Variants in CDC42BPB observed in about 807,000 individuals in gnomAD.
CDC42BPB encodes serine/threonine-protein kinase MRCK beta.
In CDC42BPB, 37 loss-of-function variants were observed where a neutral mutation model predicts 214.9. The ratio of observed to expected loss-of-function variants is 0.17; its 90% CI spans 0.13 to 0.23. The LOEUF (loss-of-function observed/expected upper bound fraction) is 0.23, where lower values mean the gene tolerates loss of function less well. Ranked by LOEUF, CDC42BPB falls within the 10% of genes least tolerant of loss-of-function variation. The pLI is 1.00. For synonymous variants in CDC42BPB, 931 were observed against 884.0 expected (o/e 1.05, Z -0.94); for missense variants, 1,694 against 2,227.0 (o/e 0.76, Z 4.82).
chr14:103,049,715 C>CT (rs1566927821), intron 1 of CDC42BPB, among the ~76,000 whole-genome samples: 4 of 152,130 alleles, frequency 2.6e-5, no homozygotes, highest in Non-Finnish European at 5.9e-5. Context: ...TTAACCTTAA[C>CT]TTTTTTTATT....
Position 102,999,547 on chromosome 14 carries a change from A to G in CDC42BPB, c.596+18T>C, listed in dbSNP as rs2273744. 1.3e-3 allele frequency: 2,075 copies of G among 1,612,708 alleles called. 38 individuals carry two copies. The East Asian group carries it at 0.037, about 28-fold the overall frequency. ...CAATTAAACGTGGTTTCCATAAAAT[A>G]TATCAGAAGCCGGTTACCTGTGCAC... On this transcript the variant is annotated intron_variant, in intron 5 of 36. Transcript: ENST00000361246.
intron 1 of CDC42BPB, 22 bp from the exon 2 acceptor site, chr14:103,012,210 C>A (rs1277069640): frequency 2.5e-6 from 4 of 1,592,198 alleles, no homozygotes; most frequent in Non-Finnish European, 3.4e-6. Context: ...ACAGTAAAAC[C>A]AACAATTTAG....
chr14:103,050,368 G>A (rs1888532276), intron 1 of CDC42BPB, among the ~76,000 whole-genome samples: 1 of 152,184 alleles, frequency 6.6e-6, no homozygotes, highest in South Asian at 2.1e-4. Context: ...CTGGTTAGAG[G>A]GCTGTTTGCC....
chr14:102,961,270 C>T (rs1285136852), intron 20 of CDC42BPB, among the ~76,000 whole-genome samples: 2 of 152,042 alleles, frequency 1.3e-5, no homozygotes, highest in African/African-American at 4.8e-5. Context: ...GTGTATTTTC[C>T]TATTTATGAC....
intron 1 of CDC42BPB, among the ~76,000 whole-genome samples, chr14:103,053,564 A>G (rs891348174): frequency 8.6e-5 from 13 of 151,678 alleles, no homozygotes; most frequent in Non-Finnish European, 1.5e-4. Flanking sequence ...GATCGAGACC[A>G]TCCTGGCTAA....
rs1218057718 is a variant in CDC42BPB, at chr14:102,939,869, A to G, written c.4670T>C (p.Val1557Ala). 6.2e-7 allele frequency: 1 copy of G among 1,613,994 alleles called. No homozygotes were observed. The highest frequency in any genetic ancestry group is 1.1e-5 in the South Asian group (1 of 91,078). The change falls in exon 33 of 37, where the codon GTC (valine) becomes GCC (alanine). Residue 1557 changes from valine to alanine, a missense_variant. Around this residue, in one of 7 missense-constraint regions of CDC42BPB, gnomAD observed 567 missense variants for 790.3 expected, o/e 0.72. Transcript: ENST00000361246. ...MLRTRSKRRF[V>A]FKVPEEERLQ... ...TCTCTCTTCCTCTGGGACCTTGAAG[A>G]CGAACCGCCTTTTGCTCCTGGTGCG...
At chr14:102,982,748 G>A (rs1242075286) in intron 7 of CDC42BPB, among the ~76,000 whole-genome samples, 2 of 151,852 alleles carry the variant, frequency 1.3e-5, no homozygotes, top group South Asian at 2.1e-4. Context: ...CGACAAGAGC[G>A]AAACTCCGTC....
At chr14:103,006,033 AAAG>A in intron 3 of CDC42BPB, among the ~76,000 whole-genome samples, 1 of 152,150 alleles carries the variant, frequency 6.6e-6, no homozygotes, top group African/African-American at 2.4e-5. Context: ...AAAAAAAAAA[AAAG>A]ATGGCTGTTG....
intron 1 of CDC42BPB, among the ~76,000 whole-genome samples, chr14:103,014,217 C>T (rs1410300205): frequency 6.6e-6 from 1 of 151,420 alleles, no homozygotes; most frequent in Non-Finnish European, 1.5e-5. Context: ...TCAACTCTTC[C>T]CAGGAACACA....
rs1887363496 is a variant in CDC42BPB at position 103,031,347 on chromosome 14, C to T, written c.176-19159G>A. ...TAAGCCAGGAAAACTACCCTTTTCA[C>T]CAGATGCCTAGAGATGAGACACTAA... is the stretch of plus-strand genomic sequence containing the variant. On this transcript the variant is annotated intron_variant, in intron 1 of 36. Coordinates refer to ENST00000361246, the MANE Select transcript of CDC42BPB (RefSeq NM_006035.4). Among the ~76,000 whole-genome samples, 3 of 152,220 alleles carry T rather than the reference C, an allele frequency of 2.0e-5. No homozygotes were observed. In the South Asian group the frequency reaches 6.2e-4, roughly 32 times the overall value.
chr14:102,967,734 G>A (rs796655049), intron 16 of CDC42BPB, among the ~76,000 whole-genome samples: 5 of 152,318 alleles, frequency 3.3e-5, no homozygotes, highest in African/African-American at 1.2e-4. Flanking sequence ...CGTACGGGAC[G>A]CCTGTTGTAC....
At chr14:103,022,294 A>G (rs767394070) in intron 1 of CDC42BPB, among the ~76,000 whole-genome samples, 16 of 152,194 alleles carry the variant, frequency 1.1e-4, no homozygotes, top group Non-Finnish European at 2.4e-4. Context: ...GGCAGGGGAC[A>G]GAAGTCTGAT....
intron 1 of CDC42BPB, among the ~76,000 whole-genome samples, chr14:103,020,652 C>A (rs1886720058): frequency 6.6e-6 from 1 of 152,192 alleles, no homozygotes; most frequent in African/African-American, 2.4e-5. Flanking sequence ...GTGGACGGGG[C>A]ACATGCTGAA....
intron 2 of CDC42BPB, among the ~76,000 whole-genome samples, chr14:103,011,403 G>A (rs1271952924): frequency 6.6e-6 from 1 of 152,174 alleles, no homozygotes; most frequent in Non-Finnish European, 1.5e-5. Flanking sequence ...AAAATGCCAA[G>A]AAGTCAAAAT....
chr14:103,030,880 G>A (rs1450652458), intron 1 of CDC42BPB, among the ~76,000 whole-genome samples: 1 of 151,958 alleles, frequency 6.6e-6, no homozygotes, highest in South Asian at 2.1e-4. Context: ...CCAGCTACTC[G>A]AGAGGCTGAG....
chr14:103,015,996 G>T (rs571534878), intron 1 of CDC42BPB, among the ~76,000 whole-genome samples: 1 of 151,962 alleles, frequency 6.6e-6, no homozygotes, highest in Non-Finnish European at 1.5e-5. Context: ...GATTACAGGC[G>T]TGAGCCACTG....
intron 18 of CDC42BPB, among the ~76,000 whole-genome samples, chr14:102,965,492 C>T (rs1322927099): frequency 6.6e-6 from 1 of 152,086 alleles, no homozygotes; most frequent in Non-Finnish European, 1.5e-5. Flanking sequence ...ACATCATCCT[C>T]CTGTTTTCTT....
chr14:102,992,369 A>G (rs924378235), intron 5 of CDC42BPB, among the ~76,000 whole-genome samples: 2 of 152,236 alleles, frequency 1.3e-5, no homozygotes, highest in African/African-American at 2.4e-5. Flanking sequence ...TGGGACCCAG[A>G]AATAAAACAG....
chr14:103,019,485 C>G (rs1328320347), intron 1 of CDC42BPB, among the ~76,000 whole-genome samples: 1 of 152,206 alleles, frequency 6.6e-6, no homozygotes, highest in African/African-American at 2.4e-5. Context: ...TCTTCCTCAC[C>G]AGGCTCTAAG....
Sources: allele counts gnomAD v4.1 joint callset (sites outside exome capture counted in the v4.1 genomes callset), GRCh38; gene constraint gnomAD v4.1.1; regional missense constraint gnomAD v4.1.1; transcripts MANE v1.5; gene names NCBI Gene and HGNC (gene_info 2026-07-23, HGNC 2026-07-21).